FGF14: variants seen among roughly 807,000 people sequenced by gnomAD.
FGF14 encodes the protein fibroblast growth factor 14.
Under a neutral mutation model 25.5 loss-of-function variants are expected in FGF14, and 5 were observed. The ratio of observed to expected loss-of-function variants is 0.20; its 90% confidence interval spans 0.10 to 0.41. FGF14 has a LOEUF of 0.41. FGF14 is among the 10% of genes least tolerant of loss of function. The pLI is 1.00. For missense variants in FGF14, 222 were observed against 320.1 expected (o/e 0.69, Z 2.34); for synonymous variants, 138 against 118.3 (o/e 1.17, Z -1.08).
chr13:101,826,257 C>A (rs9585787), intron 3 of FGF14, among the ~76,000 whole-genome samples: 56 of 152,068 alleles, frequency 3.7e-4, no homozygotes, highest in African/African-American at 1.2e-3. Flanking sequence ...CACTAACCTC[C>A]CCCCGTCCCC....
chr13:102,320,366 T>C (rs1273618159), intron 1 of FGF14, among the ~76,000 whole-genome samples: 1 of 151,946 alleles, frequency 6.6e-6, no homozygotes, highest in East Asian at 1.9e-4. Flanking sequence ...GGTGGAGACA[T>C]GCTTAATCTC....
At chr13:101,801,228 T>G (rs940073724) in intron 3 of FGF14, among the ~76,000 whole-genome samples, 1 of 152,290 alleles carries the variant, frequency 6.6e-6, no homozygotes, top group East Asian at 1.9e-4. Flanking sequence ...AGGAAAGCTA[T>G]GAGGAACCAT....
intron 1 of FGF14, among the ~76,000 whole-genome samples, chr13:102,068,502 CG>C (rs2042999071): frequency 6.6e-6 from 1 of 152,142 alleles, no homozygotes. Context: ...ACCAGGGCTG[CG>C]TACAGTGCTT....
intron 1 of FGF14, among the ~76,000 whole-genome samples, chr13:102,003,729 G>C (rs115365140): frequency 2.0e-5 from 3 of 150,492 alleles, no homozygotes; most frequent in African/African-American, 7.4e-5. Context: ...ATAATGCTAA[G>C]AAATACCTGA....
At chr13:102,301,038 C>A (rs1337775949) in intron 1 of FGF14, among the ~76,000 whole-genome samples, 2 of 151,824 alleles carry the variant, frequency 1.3e-5, no homozygotes, top group African/African-American at 4.8e-5. Context: ...GGCTATTAGG[C>A]TATTATCTTT....
rs1293768350 is a variant in FGF14, at chr13:101,719,367, A to T, written c.*3464T>A. 6.6e-6 allele frequency: 1 copy of T among 152,002 alleles called. No homozygotes were observed. The highest frequency in any genetic ancestry group is 1.5e-5 in the Non-Finnish European group (1 of 67,990). The allele number at this position is 152,002 out of a possible 1,614,324, so 9.4% of individuals were successfully genotyped here. A position where few individuals can be genotyped will look rare whatever the true frequency, so the allele number is the denominator to read the frequency against. Reference sequence around the variant, plus strand: ...AAGAACTGGAGCGGGAGTCCTTTGGACCCATCGTGGATCTCTTTAAGCCAC... The same window carrying T: ...AAGAACTGGAGCGGGAGTCCTTTGGTCCCATCGTGGATCTCTTTAAGCCAC... On this transcript the variant is annotated 3_prime_UTR_variant, in exon 5 of 5. Coordinates refer to ENST00000376143, the MANE Select transcript of FGF14 (RefSeq NM_004115.4).
intron 1 of FGF14, among the ~76,000 whole-genome samples, chr13:102,347,716 C>T (rs59405736): frequency 1.2e-3 from 187 of 152,238 alleles, no homozygotes; most frequent in African/African-American, 4.5e-3. Flanking sequence ...CAGTGGGTCA[C>T]TGGGGTCAGC....
At chr13:101,795,788 T>C (rs2140110959) in intron 3 of FGF14, among the ~76,000 whole-genome samples, 1 of 152,212 alleles carries the variant, frequency 6.6e-6, no homozygotes, top group African/African-American at 2.4e-5. Context: ...TAAATTCATG[T>C]TGTAAATATT....
intron 1 of FGF14, among the ~76,000 whole-genome samples, chr13:102,279,425 C>T (rs1002527160): frequency 3.3e-5 from 5 of 152,158 alleles, no homozygotes; most frequent in African/African-American, 1.2e-4. Flanking sequence ...TAACAAAATG[C>T]ACATTACATT....
At chr13:102,111,532 T>C (rs2045224240) in intron 1 of FGF14, among the ~76,000 whole-genome samples, 1 of 151,950 alleles carries the variant, frequency 6.6e-6, no homozygotes, top group Non-Finnish European at 1.5e-5. Context: ...CAGAGCAACA[T>C]GGCAAAATCC....
At chr13:102,234,691 C>A (rs1372449410) in intron 1 of FGF14, among the ~76,000 whole-genome samples, 1 of 152,092 alleles carries the variant, frequency 6.6e-6, no homozygotes, top group Non-Finnish European at 1.5e-5. Context: ...CTCTCAAGTT[C>A]TGTACATACT....
intron 1 of FGF14, among the ~76,000 whole-genome samples, chr13:101,876,076 G>A (rs193138849): frequency 7.5e-4 from 114 of 152,270 alleles, no homozygotes; most frequent in African/African-American, 2.5e-3. Context: ...CTTTGTCAAC[G>A]GGCATTGAGA....
intron 1 of FGF14, among the ~76,000 whole-genome samples, chr13:102,283,503 T>C (rs1371882371): frequency 6.6e-6 from 1 of 152,216 alleles, no homozygotes; most frequent in Non-Finnish European, 1.5e-5. Flanking sequence ...TTACCAGCAA[T>C]ATCTAACATC....
At chr13:101,890,192 A>G (rs140615752) in intron 1 of FGF14, among the ~76,000 whole-genome samples, 43 of 152,308 alleles carry the variant, frequency 2.8e-4, no homozygotes, top group African/African-American at 9.6e-4. Flanking sequence ...CTTCAGTACT[A>G]GATAGGAACA....
intron 1 of FGF14, among the ~76,000 whole-genome samples, chr13:102,248,768 T>A (rs904614100): frequency 4.6e-5 from 7 of 151,442 alleles, no homozygotes; most frequent in African/African-American, 1.7e-4. Context: ...AAAGAAAAAG[T>A]GAAGAGAGAA....
At chr13:102,268,417 A>C (rs1336809519) in intron 1 of FGF14, among the ~76,000 whole-genome samples, 1 of 152,178 alleles carries the variant, frequency 6.6e-6, no homozygotes, top group East Asian at 1.9e-4. Context: ...ATAATGTTAT[A>C]CTATGATATC....
chr13:102,270,172 GA>G lies in FGF14; in HGVS notation c.208+131298del, dbSNP rs1174827748. Among the ~76,000 whole-genome samples, 4 of 148,812 alleles carry G rather than the reference GA, an allele frequency of 2.7e-5. No individual in the cohort carries two copies. In the East Asian group the frequency reaches 5.9e-4, roughly 22 times the overall value. ...TTCAAGAAAATATGAAACATTCAGG[GA>G]AAAAAAAATAAAAGAACCATATTCC... On this transcript the variant is annotated intron_variant, in intron 1 of 4. Coordinates refer to the FGF14 transcript ENST00000376131.
At chr13:101,968,149 A>G (rs2037334317) in intron 1 of FGF14, among the ~76,000 whole-genome samples, 1 of 152,238 alleles carries the variant, frequency 6.6e-6, no homozygotes, top group Non-Finnish European at 1.5e-5. Flanking sequence ...CAAATGAGTG[A>G]AAGTGCAGTT....
At chr13:101,787,173 T>C (rs1335460582) in intron 3 of FGF14, among the ~76,000 whole-genome samples, 1 of 23,632 alleles carries the variant, frequency 4.2e-5, no homozygotes, top group Non-Finnish European at 1.3e-3. Flanking sequence ...CATGTCACAA[T>C]AATGTATCTT....
Sources: gnomAD v4.1 joint callset for allele counts (sites outside exome capture counted in the v4.1 genomes callset) on GRCh38, gnomAD v4.1.1 for gene constraint, MANE v1.5 for transcripts, NCBI Gene and HGNC (gene_info 2026-07-23, HGNC 2026-07-21) for gene names.